Variants in DLG2 observed in about 807,000 individuals in gnomAD.
DLG2 encodes disks large homolog 2.
A neutral mutation model predicts 132.5 loss-of-function variants in DLG2; 45 were observed. The observed-to-expected ratio is 0.34, with a 90% confidence interval of 0.27 to 0.44. The LOEUF is 0.44. DLG2 is among the 20% of genes least tolerant of loss of function. The probability of loss-of-function intolerance (pLI) is 1.00; values close to 1 mark genes in which losing one functional copy is unlikely to be tolerated. For synonymous variants in DLG2, 424 were observed against 419.6 expected (o/e 1.01, Z -0.13); for missense variants, 1,045 against 1,196.9 (o/e 0.87, Z 1.87).
chr11:84,749,572 T>C (rs1004255653), intron 6 of DLG2, among the ~76,000 whole-genome samples: 2 of 152,184 alleles, frequency 1.3e-5, no homozygotes, highest in Middle Eastern at 3.2e-3. Flanking sequence ...GGTCATACCA[T>C]GTAGCCTAGG....
intron 6 of DLG2, among the ~76,000 whole-genome samples, chr11:85,004,578 G>A (rs554586707): frequency 6.6e-6 from 1 of 152,026 alleles, no homozygotes; most frequent in Admixed American, 6.6e-5. Context: ...ATTTTTTCTT[G>A]TAAATTTGTT....
chr11:83,753,121 G>A (rs1002428201), intron 18 of DLG2, among the ~76,000 whole-genome samples: 1 of 152,140 alleles, frequency 6.6e-6, no homozygotes, highest in Non-Finnish European at 1.5e-5. Context: ...ATAGAATAAG[G>A]AATAAAACTC....
At chr11:83,714,919 C>T (rs932046007) in intron 18 of DLG2, among the ~76,000 whole-genome samples, 1 of 152,020 alleles carries the variant, frequency 6.6e-6, no homozygotes, top group African/African-American at 2.4e-5. Flanking sequence ...AGGTATATAC[C>T]CAAAGGATTA....
At chr11:83,719,314 T>C (rs1229002763) in intron 18 of DLG2, among the ~76,000 whole-genome samples, 1 of 152,214 alleles carries the variant, frequency 6.6e-6, no homozygotes, top group Non-Finnish European at 1.5e-5. Flanking sequence ...ACTATGTGAC[T>C]TGAGTGTTTT....
intron 8 of DLG2, among the ~76,000 whole-genome samples, chr11:84,220,818 G>A (rs1597737891): frequency 1.2e-5 from 1 of 81,964 alleles, no homozygotes; most frequent in East Asian, 3.8e-4. Context: ...GTCTAGCTCT[G>A]TTACCCAGGC....
chr11:84,595,680 G>A (rs1046454602), intron 6 of DLG2, among the ~76,000 whole-genome samples: 5 of 152,014 alleles, frequency 3.3e-5, no homozygotes, highest in East Asian at 1.9e-4. Context: ...CATTTCTTCC[G>A]GAAGTTGTTT....
intron 17 of DLG2, among the ~76,000 whole-genome samples, chr11:83,795,113 T>C (rs2042458931): frequency 6.6e-6 from 1 of 152,184 alleles, no homozygotes; most frequent in Admixed American, 6.5e-5. Context: ...ATCATTAAAA[T>C]ATTTATATTC....
At chr11:83,682,112 C>T in intron 18 of DLG2, 1 of 985,194 alleles carries the variant, frequency 1.0e-6, no homozygotes, top group East Asian at 1.1e-4. Context: ...GTACGTTTGC[C>T]AAGCTTATTC....
At chr11:85,480,282 T>C (rs1262808653) in intron 3 of DLG2, among the ~76,000 whole-genome samples, 2 of 152,150 alleles carry the variant, frequency 1.3e-5, no homozygotes, top group African/African-American at 2.4e-5. Context: ...CAAATGTGAC[T>C]CAAAAACAGT....
intron 6 of DLG2, among the ~76,000 whole-genome samples, chr11:84,985,866 C>T (rs1308593972): frequency 6.6e-6 from 1 of 151,522 alleles, no homozygotes; most frequent in Non-Finnish European, 1.5e-5. Context: ...ATGGCGGGTG[C>T]CTGTAACCCC....
At chr11:84,619,137 T>C (rs2099609595) in intron 6 of DLG2, among the ~76,000 whole-genome samples, 1 of 151,944 alleles carries the variant, frequency 6.6e-6, no homozygotes, top group Non-Finnish European at 1.5e-5. Flanking sequence ...CACCACATTC[T>C]AGATTAAAAT....
chr11:84,430,260 A>C (rs1454322444), intron 7 of DLG2, among the ~76,000 whole-genome samples: 1 of 151,928 alleles, frequency 6.6e-6, no homozygotes, highest in Non-Finnish European at 1.5e-5. Context: ...ACATGGTGAA[A>C]CCCCATCTCT....
At chr11:84,173,905 C>CAT (rs1224605296) in intron 8 of DLG2, among the ~76,000 whole-genome samples, 3 of 151,858 alleles carry the variant, frequency 2.0e-5, no homozygotes, top group African/African-American at 7.3e-5. Flanking sequence ...ACTGCTCTGT[C>CAT]CACGGCAGTG....
intron 21 of DLG2, among the ~76,000 whole-genome samples, chr11:83,501,703 G>A (rs567578911): frequency 6.6e-6 from 1 of 152,066 alleles, no homozygotes; most frequent in Admixed American, 6.6e-5. Context: ...TTTTGTTCCT[G>A]TGATTGTTTC....
At chr11:84,928,980 GTGTATATATATATATATATA>G (rs1198041442) in intron 6 of DLG2, among the ~76,000 whole-genome samples, 2 of 40,258 alleles carry the variant, frequency 5.0e-5, no homozygotes, top group African/African-American at 1.6e-4. Flanking sequence ...GTGTGTGTGT[GTGTATATATATATATATATA>G]TATATATATA....
chr11:84,044,544 T>G (rs1301613257), intron 11 of DLG2, among the ~76,000 whole-genome samples: 2 of 151,734 alleles, frequency 1.3e-5, no homozygotes. Flanking sequence ...TTGGAAGAGA[T>G]CTCGGTAGAG....
intron 18 of DLG2, among the ~76,000 whole-genome samples, chr11:83,697,030 T>G (rs1481719083): frequency 6.6e-6 from 1 of 152,178 alleles, no homozygotes; most frequent in East Asian, 1.9e-4. Flanking sequence ...AAACAAAAAT[T>G]TTTCTGTGGG....
intron 3 of DLG2, among the ~76,000 whole-genome samples, chr11:85,520,538 C>CACACACACACAA (rs1477625427): frequency 4.0e-5 from 6 of 151,350 alleles, no homozygotes; most frequent in African/African-American, 1.5e-4. Context: ...CACACACACA[C>CACACACACACAA]ACAAAGAATA....
chr11:84,013,447 G>T (rs1472462022), intron 11 of DLG2, among the ~76,000 whole-genome samples: 1 of 152,092 alleles, frequency 6.6e-6, no homozygotes, highest in African/African-American at 2.4e-5. Flanking sequence ...CTATATTTAT[G>T]AAATATGTTT....
Sources: gnomAD v4.1 joint callset for allele counts (sites outside exome capture counted in the v4.1 genomes callset) on GRCh38, gnomAD v4.1.1 for gene constraint, MANE v1.5 for transcripts, NCBI Gene and HGNC (gene_info 2026-07-23, HGNC 2026-07-21) for gene names.